The following DOCK6 variants were observed in gnomAD, a reference collection of about 807,000 sequenced individuals.
DOCK6 encodes the protein dedicator of cytokinesis 6, also known as dedicator of cytokinesis protein 6.
A neutral mutation model predicts 230.3 loss-of-function variants in DOCK6; 167 were observed. The ratio of observed to expected loss-of-function variants is 0.73; its 90% CI spans 0.64 to 0.82. DOCK6 has a LOEUF of 0.82. Among genes scored for constraint, DOCK6 ranks in the 40% least tolerant of loss-of-function variants. DOCK6 has a pLI of 0.00. For missense variants in DOCK6, 2,598 were observed against 2,825.8 expected, an observed-to-expected ratio of 0.92 and a Z score of 1.83; for synonymous variants, 1,148 against 1,185.0, an observed-to-expected ratio of 0.97 and a Z score of 0.64.
At position 11,221,945 on chromosome 19, in the gene DOCK6, G is replaced by C; in HGVS notation, c.3456C>G (p.Tyr1152Ter). The change falls in exon 28 of 48, where the codon TAC (tyrosine) becomes TAG (stop). Residue 1152 changes from tyrosine to a stop codon, truncating the protein, a stop_gained. Coordinates refer to ENST00000294618, the MANE Select transcript of DOCK6 (RefSeq NM_020812.4). LOFTEE classifies it high-confidence loss of function. The stretch of plus-strand genomic sequence containing the variant: ...CACGAGCCTTCACAGTGGCCTCGGC[G>C]TAGCGGGGGTCAGTGTCATGGCCAC... ...LLCGHDTDPRYAEATVKARVA... is the reference protein window; with the variant it reads ...LLCGHDTDPR 6.2e-7 allele frequency: 1 copy of C among 1,613,796 alleles called. No individual in the cohort carries two copies. The highest frequency in any genetic ancestry group is 8.5e-7 in the Non-Finnish European group (1 of 1,179,896).
At chr19:11,203,367 GGTCAGA>G (rs1318468654) in intron 41 of DOCK6, 1 of 157,186 alleles carries the variant, frequency 6.4e-6, no homozygotes, top group East Asian at 1.9e-4. Context: ...AGAGGTCAGA[GGTCAGA>G]GTTCCCTCAA....
In DOCK6 at chr19:11,241,460, C is replaced by T. The variant is rs1487772556; in HGVS notation, c.1643+585G>A. On this transcript the variant is annotated intron_variant, in intron 14 of 47. Coordinates refer to ENST00000294618, the MANE Select transcript of DOCK6 (RefSeq NM_020812.4). ...ACCCCCACAGGCTCACGCTGACAAG[C>T]AGAGCCACATCCTATGGGCCCTCAC... The T allele has an allele frequency of 9.0e-6, 14 of 1,549,936 alleles. No individual in the cohort carries two copies. The South Asian group carries it at 1.7e-4, about 18-fold the overall frequency.
intron 24 of DOCK6, among the ~76,000 whole-genome samples, chr19:11,226,825 A>T (rs1281668905): frequency 6.6e-6 from 1 of 152,208 alleles, no homozygotes; most frequent in East Asian, 1.9e-4. Context: ...GTCCACTGTC[A>T]GGGTCTCAGA....
chr19:11,234,989 C>T (rs563297102), intron 21 of DOCK6, among the ~76,000 whole-genome samples: 1 of 152,056 alleles, frequency 6.6e-6, no homozygotes, highest in South Asian at 2.1e-4. Context: ...GTTGCCCAGA[C>T]TGGAGTGCAG....
chr19:11,243,583 A>T lies in DOCK6; in HGVS notation c.1232T>A (p.Leu411Gln). The change falls in exon 11 of 48, where the codon CTG (leucine) becomes CAG (glutamine). Residue 411 changes from leucine (L) to glutamine (Q), a missense_variant. Physicochemically the swap from Leu to Gln is moderately radical, Grantham distance 113 (BLOSUM62 -2). Coordinates refer to ENST00000294618, the MANE Select transcript of DOCK6 (RefSeq NM_020812.4). The surrounding 1 kb of genome is among the most constrained non-coding windows in gnomAD (Gnocchi z 6.3). Reference protein sequence around the residue: ...LANIVSSAGQLDRDSDSEGER... With the variant: ...LANIVSSAGQQDRDSDSEGER... The stretch of plus-strand genomic sequence containing the variant: ...GCCCTCCGAGTCAGAGTCCCGGTCC[A>T]GCTGCCCAGCGCTGCTCACGATGTT... 6.2e-7 allele frequency: 1 copy of T among 1,608,280 alleles called. No homozygotes were observed. Among genetic ancestry groups the T allele is most frequent in the Non-Finnish European group, 8.5e-7 (1 of 1,178,158 alleles).
rs373281900 is a variant in DOCK6 at position 11,243,084 on chromosome 19, C to T, written c.1455G>A (p.Leu485=). ...FLADMRRPSS[L]LRRLRPVTAQ... ...CAGTCACAGGACGTAGTCGCCGCAGCAGGGACGACGGGCGCCTCATGTCAG... is the reference window on the plus strand; with the variant it reads ...CAGTCACAGGACGTAGTCGCCGCAGTAGGGACGACGGGCGCCTCATGTCAG... The change falls in exon 13 of 48, where the codon CTG becomes CTA. Residue 485 remains leucine, a synonymous_variant. Coordinates refer to ENST00000294618, the MANE Select transcript of DOCK6 (RefSeq NM_020812.4). This position sits in a 1 kb window ranked among gnomAD's most constrained non-coding sequence, Gnocchi z 6.3. The T allele has an allele frequency of 1.9e-6, 3 of 1,613,964 alleles. No individual in the cohort carries two copies. The highest frequency in any genetic ancestry group is 4.5e-5 in the East Asian group (2 of 44,880).
At position 11,243,424 on chromosome 19, in the gene DOCK6, A is replaced by G. The variant is rs758882329; in HGVS notation, c.1259-39T>C. 4 of 1,590,116 alleles carry G rather than the reference A, an allele frequency of 2.5e-6. No homozygotes were observed. Among genetic ancestry groups the G allele is most frequent in the Admixed American group, 1.8e-5 (1 of 56,860 alleles). ...TGACAATGACAAAAGGGGGACCAAGATGAAACAGGGAGACTCAGGGGCGGC... is the reference window on the plus strand; with the variant it reads ...TGACAATGACAAAAGGGGGACCAAGGTGAAACAGGGAGACTCAGGGGCGGC... On this transcript the variant is annotated intron_variant, in intron 11 of 47. Coordinates refer to ENST00000294618, the MANE Select transcript of DOCK6 (RefSeq NM_020812.4). This position sits in a 1 kb window ranked among gnomAD's most constrained non-coding sequence, Gnocchi z 6.3.
intron 9 of DOCK6, 83 bp downstream of exon 9, chr19:11,245,480 T>C: frequency 2.2e-6 from 3 of 1,365,348 alleles, no homozygotes; most frequent in Non-Finnish European, 3.1e-6. Flanking sequence ...TTCTTGGTGA[T>C]GTATCTGTCT....
At chr19:11,250,782 T>C (rs2080104784) in intron 6 of DOCK6, 92 bp downstream of exon 6, 1 of 1,255,360 alleles carries the variant, frequency 8.0e-7, no homozygotes, top group East Asian at 2.4e-5. Flanking sequence ...ATATAGTAGA[T>C]GTCCATCTAT....
chr19:11,225,848 T>G (rs1270134641), intron 24 of DOCK6, among the ~76,000 whole-genome samples: 2 of 121,940 alleles, frequency 1.6e-5, no homozygotes, highest in African/African-American at 6.5e-5. Context: ...CTGGGCAACA[T>G]AGTGAGACCC....
intron 29 of DOCK6, 47 bp from the exon 30 acceptor site, chr19:11,217,143 A>AGAT: frequency 6.3e-7 from 1 of 1,597,086 alleles, no homozygotes; most frequent in African/African-American, 1.3e-5. Context: ...TCTCCATGTG[A>AGAT]GATGAATCCT....
Position 11,236,786 on chromosome 19 carries a change from C to A in DOCK6, c.2160+7G>T, listed in dbSNP as rs748582126. On this transcript the variant is annotated splice_region_variant and intron_variant, in intron 19 of 47. Coordinates refer to ENST00000294618, the MANE Select transcript of DOCK6 (RefSeq NM_020812.4). The surrounding 1 kb of genome is among the most constrained non-coding windows in gnomAD (Gnocchi z 5.2). Reference sequence around the variant, plus strand: ...GCGGGACTCTTGGTTCCCGGCCCACCCCGTACCTGGGGGTGCACAGAGGAC... The same window carrying A: ...GCGGGACTCTTGGTTCCCGGCCCACACCGTACCTGGGGGTGCACAGAGGAC... 3.0e-5 allele frequency: 47 copies of A among 1,552,302 alleles called. No individual in the cohort carries two copies. In the South Asian group the frequency reaches 3.6e-4, roughly 12 times the overall value.
chr19:11,237,444 C>T lies in DOCK6; in HGVS notation c.2073+12G>A, dbSNP rs2079866179. The T allele has an allele frequency of 1.2e-6, 2 of 1,613,330 alleles. No homozygotes were observed. The highest frequency in any genetic ancestry group is 1.3e-5 in the African/African-American group (1 of 74,872). Reference sequence around the variant, plus strand: ...ACAGTGCATTGGCAGGCAGGAGCTCCAGGGCACATACATCGGGTGTGAGCA... The same window carrying T: ...ACAGTGCATTGGCAGGCAGGAGCTCTAGGGCACATACATCGGGTGTGAGCA... On this transcript the variant is annotated intron_variant, in intron 18 of 47. Coordinates refer to ENST00000294618, the MANE Select transcript of DOCK6 (RefSeq NM_020812.4).
At chr19:11,214,681 C>G (rs1018855283) in intron 32 of DOCK6, 32 bp from the exon 33 acceptor site, 2 of 1,602,046 alleles carry the variant, frequency 1.2e-6, no homozygotes, top group Non-Finnish European at 1.7e-6. Flanking sequence ...TGGGGGCCCA[C>G]TCGGGGTGAG....
intron 7 of DOCK6, among the ~76,000 whole-genome samples, 191 bp from the exon 8 acceptor site, chr19:11,246,069 TG>T (rs776403636): frequency 6.6e-6 from 1 of 150,744 alleles, no homozygotes; most frequent in African/African-American, 2.4e-5. Flanking sequence ...AGTTTTTTGT[TG>T]GTTTTTTTTT....
At chr19:11,259,873 C>T (rs528377661) in intron 1 of DOCK6, among the ~76,000 whole-genome samples, 323 of 109,346 alleles carry the variant, frequency 3.0e-3, no homozygotes, top group African/African-American at 9.4e-3. Flanking sequence ...TGGGCCGCCG[C>T]GCCCGGCCTT....
chr19:11,259,556 C>CTTTTT (rs756965986), intron 1 of DOCK6, among the ~76,000 whole-genome samples: 39,571 of 100,618 alleles, frequency 0.39, 9,337 homozygotes, highest in Non-Finnish European at 0.51. Flanking sequence ...TATTTCTTTT[C>CTTTTT]TTTTTTTTTT....
chr19:11,202,851 G>T lies in DOCK6; in HGVS notation c.5236-142C>A. On this transcript the variant is annotated intron_variant, in intron 41 of 47. Coordinates refer to ENST00000294618, the MANE Select transcript of DOCK6 (RefSeq NM_020812.4). The surrounding 1 kb of genome is among the most constrained non-coding windows in gnomAD (Gnocchi z 5.3). ...GGCATGGGCACAGGCAGGGGGCCCTGAGAACATTGGGGCATGGATTGCAAT... is the reference window on the plus strand; with the variant it reads ...GGCATGGGCACAGGCAGGGGGCCCTTAGAACATTGGGGCATGGATTGCAAT... The T allele has an allele frequency of 7.4e-7, 1 of 1,345,732 alleles. No individual in the cohort carries two copies. Among genetic ancestry groups the T allele is most frequent in the Non-Finnish European group, 1.0e-6 (1 of 962,146 alleles). The allele number at this position is 1,345,732 out of a possible 1,614,324, so 83.4% of individuals were successfully genotyped here.
intron 35 of DOCK6, 91 bp from the exon 36 acceptor site, chr19:11,212,242 C>A: frequency 7.0e-7 from 1 of 1,434,600 alleles, no homozygotes; most frequent in Non-Finnish European, 9.3e-7. Flanking sequence ...ATGGCCCTTG[C>A]GTTCTTTATT....
Sources: gnomAD v4.1 joint callset for allele counts (sites outside exome capture counted in the v4.1 genomes callset) on GRCh38, gnomAD v4.1.1 for gene constraint, Gnocchi (gnomAD v3.1) non-coding constraint, MANE v1.5 for transcripts, NCBI Gene and HGNC (gene_info 2026-07-23, HGNC 2026-07-21) for gene names.